LAMC3: variants seen among roughly 807,000 people sequenced by gnomAD.
LAMC3 encodes laminin subunit gamma 3.
Under a neutral mutation model 173.8 loss-of-function variants are expected in LAMC3, and 128 were observed. The ratio of observed to expected loss-of-function variants is 0.74; its 90% CI spans 0.64 to 0.85. The LOEUF (loss-of-function observed/expected upper bound fraction) is 0.85. Ranked by LOEUF, LAMC3 falls within the 40% of genes least tolerant of loss-of-function variation. The probability of loss-of-function intolerance (pLI) is 0.00; values close to 1 mark genes in which losing one functional copy is unlikely to be tolerated. For synonymous variants in LAMC3, 897 were observed against 909.1 expected (o/e 0.99, Z 0.24); for missense variants, 2,022 against 2,156.0 (o/e 0.94, Z 1.23).
At chr9:131,030,643 G>A (rs932093111) in intron 2 of LAMC3, among the ~76,000 whole-genome samples, 1 of 152,216 alleles carries the variant, frequency 6.6e-6, no homozygotes, top group African/African-American at 2.4e-5. Flanking sequence ...CAGGGTTACC[G>A]TGAGGCCCGA....
Position 131,069,063 on chromosome 9 carries a change from G to A in LAMC3, c.2890+13G>A, listed in dbSNP as rs1277956231. On this transcript the variant is annotated intron_variant, in intron 16 of 27. Coordinates refer to ENST00000361069, the MANE Select transcript of LAMC3 (RefSeq NM_006059.4). ...AAGGGCTGCCGGGGTAAGGAGGCTG[G>A]GTCCTTCCCGGGCTGCCCTGAGGGT... 1.2e-6 allele frequency: 2 copies of A among 1,612,896 alleles called. No homozygotes were observed. The highest frequency in any genetic ancestry group is 1.3e-5 in the African/African-American group (1 of 74,906).
intron 7 of LAMC3, among the ~76,000 whole-genome samples, chr9:131,045,113 C>T (rs1400446715): frequency 4.0e-5 from 6 of 150,896 alleles, no homozygotes; most frequent in Non-Finnish European, 8.9e-5. Flanking sequence ...TCCCAGCTAC[C>T]CGGGAGGCTG....
rs768306978 is a variant in LAMC3 at position 131,067,184 on chromosome 9, C to T, written c.2572C>T (p.Arg858Ter). Residue 858 changes from arginine (R) to a stop codon, truncating the protein, a stop_gained, in exon 14 of 28, where the codon CGA becomes TGA. Coordinates refer to ENST00000361069, the MANE Select transcript of LAMC3 (RefSeq NM_006059.4). LOFTEE classifies it high-confidence loss of function. ...CTTCTACGGGAGCGCCCTGGCCCCT[C>T]GACCCGCAGACAAATGCATGCGTGA... ...EGFYGSALAP[R>*]PADKCMPCSC... 6.2e-6 allele frequency: 10 copies of T among 1,613,908 alleles called. No individual in the cohort carries two copies. The highest frequency in any genetic ancestry group is 2.2e-5 in the South Asian group (2 of 91,084).
intron 12 of LAMC3, among the ~76,000 whole-genome samples, chr9:131,060,644 AC>A (rs1829787452): frequency 2.3e-5 from 1 of 43,822 alleles, no homozygotes; most frequent in African/African-American, 1.9e-4. Context: ...CTCTGTCTCA[AC>A]TAATAATAAT....
chr9:131,070,192 T>C (rs928012369), intron 17 of LAMC3, among the ~76,000 whole-genome samples: 8 of 152,186 alleles, frequency 5.3e-5, no homozygotes, highest in Non-Finnish European at 2.9e-5. Flanking sequence ...TGATTCTGAG[T>C]GGGAAGGTGG....
chr9:131,033,924 T>C (rs1000123834), intron 3 of LAMC3, among the ~76,000 whole-genome samples: 1 of 152,080 alleles, frequency 6.6e-6, no homozygotes, highest in Non-Finnish European at 1.5e-5. Flanking sequence ...GCTTTGGGTG[T>C]GTGAGCTCCA....
chr9:131,067,317 C>G, intron 14 of LAMC3, 112 bp downstream of exon 14: 1 of 1,314,264 alleles, frequency 7.6e-7, no homozygotes, highest in Non-Finnish European at 1.1e-6. Context: ...CAGCTGGCTC[C>G]TCTGCAAGGC....
rs12006192 is a variant in LAMC3, at chr9:131,052,701, T to C, written c.1823+18T>C. On this transcript the variant is annotated intron_variant, in intron 10 of 27. Coordinates refer to ENST00000361069, the MANE Select transcript of LAMC3 (RefSeq NM_006059.4). The stretch of plus-strand genomic sequence containing the variant: ...AGGTTCCAGTAAGTATCCCCTTCTG[T>C]CCTGAGAGATGGGGAGGTGAGAGGG... The C allele has an allele frequency of 0.13, 209,825 of 1,606,552 alleles. 15,207 individuals are homozygous for C. The highest frequency in any genetic ancestry group is 0.28 in the African/African-American group (20,758 of 74,798).
chr9:131,034,575 TCAGCTC>T lies in LAMC3; in HGVS notation c.810-1584_810-1579del, dbSNP rs1406609447. Among the ~76,000 whole-genome samples the T allele has an allele frequency of 2.0e-5, 3 of 152,354 alleles. No homozygotes were observed. In the East Asian group the frequency reaches 5.8e-4, roughly 29 times the overall value. On this transcript the variant is annotated intron_variant, in intron 3 of 27. Coordinates refer to ENST00000361069, the MANE Select transcript of LAMC3 (RefSeq NM_006059.4). ...CACGTGGAGTCGATGAGGACGGGCTTCAGCTCCAGCTCAGCCACTTAGCATCTGTGA... is the reference window on the plus strand; with the variant it reads ...CACGTGGAGTCGATGAGGACGGGCTTCAGCTCAGCCACTTAGCATCTGTGA...
chr9:131,081,443 C>CTCCCTCCT (rs747816556), intron 23 of LAMC3, among the ~76,000 whole-genome samples: 1 of 140,716 alleles, frequency 7.1e-6, no homozygotes, highest in African/African-American at 2.6e-5. Flanking sequence ...TGTTCCCTCC[C>CTCCCTCCT]TCCCTCCCTC....
intron 6 of LAMC3, among the ~76,000 whole-genome samples, chr9:131,039,609 G>A (rs1366522755): frequency 4.2e-5 from 5 of 119,382 alleles, no homozygotes; most frequent in Admixed American, 1.6e-4. Flanking sequence ...AGTGGGTGAG[G>A]GGGAGGCTGC....
At chr9:131,063,989 C>T (rs1184786063) in intron 13 of LAMC3, among the ~76,000 whole-genome samples, 1 of 152,110 alleles carries the variant, frequency 6.6e-6, no homozygotes, top group Non-Finnish European at 1.5e-5. Context: ...CTCACTGCAA[C>T]CTCCACCTCC....
intron 26 of LAMC3, 44 bp downstream of exon 26, chr9:131,087,666 C>T (rs771145058): frequency 4.3e-6 from 7 of 1,613,682 alleles, no homozygotes; most frequent in African/African-American, 1.3e-5. Flanking sequence ...CTGCCCCTGG[C>T]AGCCCGGGTG....
Position 131,061,388 on chromosome 9 carries a change from C to T in LAMC3, c.2347+165C>T, listed in dbSNP as rs2315073. 0.72 allele frequency among the ~76,000 whole-genome samples: 109,753 copies of T among 152,152 alleles called. 39,980 individuals are homozygous for T. Among genetic ancestry groups the T allele is most frequent in the African/African-American group, 0.81 (33,456 of 41,522 alleles). ...TGACCTCTGAGGACACGGAATCCCT[C>T]AGCCCCATAGCCAGAGCCCCAGGCT... On this transcript the variant is annotated intron_variant, in intron 13 of 27. Transcript: ENST00000361069.
intron 8 of LAMC3, among the ~76,000 whole-genome samples, chr9:131,046,182 T>C (rs1340708055): frequency 2.6e-5 from 1 of 38,502 alleles, no homozygotes; most frequent in East Asian, 5.1e-4. Flanking sequence ...TTTTGCTCCT[T>C]TTTTTTTTTT....
intron 2 of LAMC3, among the ~76,000 whole-genome samples, chr9:131,031,546 C>T (rs543562908): frequency 1.3e-5 from 2 of 152,280 alleles, no homozygotes; most frequent in South Asian, 2.1e-4. Context: ...ATGCCAGGCC[C>T]CACTGAGCAG....
chr9:131,068,864 T>G (rs777110377), intron 15 of LAMC3, 44 bp from the exon 16 acceptor site: 1 of 1,611,072 alleles, frequency 6.2e-7, no homozygotes, highest in South Asian at 1.1e-5. Context: ...GGGCCAGGAG[T>G]GGCCCTGAGC....
chr9:131,012,528 T>C (rs1588134330), intron 1 of LAMC3, among the ~76,000 whole-genome samples: 1 of 152,196 alleles, frequency 6.6e-6, no homozygotes, highest in Non-Finnish European at 1.5e-5. Flanking sequence ...CTCAAAGACA[T>C]CCTGACGCTG....
chr9:131,028,436 G>A (rs1380285093), intron 2 of LAMC3, among the ~76,000 whole-genome samples: 1 of 152,162 alleles, frequency 6.6e-6, no homozygotes, highest in African/African-American at 2.4e-5. Flanking sequence ...GGATAATGAG[G>A]GAACCAGGGT....
Sources: allele counts gnomAD v4.1 joint callset (sites outside exome capture counted in the v4.1 genomes callset), GRCh38; gene constraint gnomAD v4.1.1; transcripts MANE v1.5; gene names NCBI Gene and HGNC (gene_info 2026-07-23, HGNC 2026-07-21).